CTNNBL1: variants seen among roughly 807,000 people sequenced by gnomAD.
CTNNBL1 encodes the protein catenin beta like 1, also known as beta-catenin-like protein 1.
Under a neutral mutation model 72.7 loss-of-function variants are expected in CTNNBL1, and 31 were observed. The observed-to-expected ratio is 0.43, with a 90% CI of 0.32 to 0.58. The LOEUF (loss-of-function observed/expected upper bound fraction) is 0.58, where lower values mean the gene tolerates loss of function less well. Among genes scored for constraint, CTNNBL1 ranks in the 20% least tolerant of loss-of-function variants. CTNNBL1 has a pLI of 0.08. For missense variants in CTNNBL1, 534 were observed against 725.1 expected (o/e 0.74, Z 3.03); for synonymous variants, 240 against 267.3 (o/e 0.90, Z 1.00).
intron 10 of CTNNBL1, among the ~76,000 whole-genome samples, chr20:37,785,081 C>T (rs1055687158): frequency 6.6e-6 from 1 of 152,184 alleles, no homozygotes; most frequent in Non-Finnish European, 1.5e-5. Flanking sequence ...TTAAATATGT[C>T]ATGCCACTCT....
rs2073539411 is a variant in CTNNBL1, at chr20:37,773,029, AT to A, written c.751-4315del. Among the ~76,000 whole-genome samples, 8 of 152,374 alleles carry A rather than the reference AT, an allele frequency of 5.3e-5. No homozygotes were observed. In the South Asian group the frequency reaches 1.7e-3, roughly 32 times the overall value. ...TGCTGCATCACAATTAATGTTTTTA[AT>A]GGGGAATACAAGCTTATTAAGATAT... On this transcript the variant is annotated intron_variant, in intron 7 of 15. Coordinates refer to ENST00000361383, the MANE Select transcript of CTNNBL1 (RefSeq NM_030877.5).
intron 13 of CTNNBL1, among the ~76,000 whole-genome samples, chr20:37,851,076 G>A (rs2072392437): frequency 1.3e-5 from 2 of 152,182 alleles, no homozygotes; most frequent in East Asian, 3.8e-4. Context: ...TAAGTGGCTG[G>A]AAGAGGGGGA....
At chr20:37,821,585 A>C (rs968765776) in intron 11 of CTNNBL1, among the ~76,000 whole-genome samples, 2 of 152,110 alleles carry the variant, frequency 1.3e-5, no homozygotes, top group African/African-American at 4.8e-5. Flanking sequence ...ATTTTACCTC[A>C]TGTGGAATTT....
At chr20:37,735,473 C>G (rs1209362533) in intron 2 of CTNNBL1, among the ~76,000 whole-genome samples, 1 of 152,228 alleles carries the variant, frequency 6.6e-6, no homozygotes, top group African/African-American at 2.4e-5. Flanking sequence ...ATAGAATTAG[C>G]TGGACTTGAT....
rs1203672664 is a variant in CTNNBL1, at chr20:37,757,600, G to A, written c.508G>A (p.Asp170Asn). 6.2e-7 allele frequency: 1 copy of A among 1,613,818 alleles called. No homozygotes were observed. Among genetic ancestry groups the A allele is most frequent in the Non-Finnish European group, 8.5e-7 (1 of 1,179,838 alleles). Residue 170 changes from aspartate to asparagine, a missense_variant, in exon 5 of 16, where the codon GAT becomes AAT. Transcript: ENST00000361383. ...AVVDLLQELTDIDTLHESEEG... is the reference protein window; with the variant it reads ...AVVDLLQELTNIDTLHESEEG... The stretch of plus-strand genomic sequence containing the variant: ...GGTCGATTTGCTTCAGGAATTAACA[G>A]ATATAGACACCCTCCATGAGAGTGA...
In CTNNBL1 at chr20:37,830,112, G is replaced by A. The variant is rs539180625; in HGVS notation, c.1214-9990G>A. On this transcript the variant is annotated intron_variant, in intron 11 of 15. Transcript: ENST00000361383. ...ACCTCCCAAAGTGCTGGGATTACAA[G>A]CGTGAGCCAACTGTAATTTTTTTTT... 3.5e-5 allele frequency among the ~76,000 whole-genome samples: 5 copies of A among 141,354 alleles called. No individual in the cohort carries two copies. In the Admixed American group the frequency reaches 3.8e-4, roughly 11 times the overall value. 92.7% of individuals were successfully genotyped at this position (141,354 alleles called of 152,430 possible).
intron 3 of CTNNBL1, among the ~76,000 whole-genome samples, chr20:37,739,889 A>G (rs1417114826): frequency 2.0e-5 from 3 of 152,314 alleles, no homozygotes; most frequent in East Asian, 1.9e-4. Flanking sequence ...CTAAGGATAC[A>G]TTATGAGGAA....
At position 37,731,745 on chromosome 20, in the gene CTNNBL1, AG is replaced by A. The variant is rs57023098; in HGVS notation, c.31-1133del. On this transcript the variant is annotated intron_variant, in intron 1 of 15. Coordinates refer to ENST00000361383, the MANE Select transcript of CTNNBL1 (RefSeq NM_030877.5). ...GTTTATCCAGGTTGTCTCAAATGAC[AG>A]AATTTCCCCACTTTTTAGGGCTGAG... Among the ~76,000 whole-genome samples the A allele has an allele frequency of 9.9e-3, 1,508 of 152,322 alleles. 18 individuals carry two copies. Among genetic ancestry groups the A allele is most frequent in the African/African-American group, 0.035 (1,455 of 41,556 alleles).
chr20:37,862,584 T>C (rs2072500084), intron 15 of CTNNBL1, among the ~76,000 whole-genome samples: 1 of 152,184 alleles, frequency 6.6e-6, no homozygotes, highest in Non-Finnish European at 1.5e-5. Context: ...TACTGGATAC[T>C]GAGTGGATGA....
chr20:37,856,953 CTG>C (rs1600532558), intron 13 of CTNNBL1, among the ~76,000 whole-genome samples: 1 of 152,200 alleles, frequency 6.6e-6, no homozygotes, highest in Non-Finnish European at 1.5e-5. Context: ...GTTCTCAACA[CTG>C]TACCAAGTTA....
At chr20:37,799,251 G>C (rs1383884599) in intron 10 of CTNNBL1, among the ~76,000 whole-genome samples, 2 of 152,092 alleles carry the variant, frequency 1.3e-5, no homozygotes, top group African/African-American at 4.8e-5. Context: ...TATCTGTCCA[G>C]GGCCCTCCCT....
intron 13 of CTNNBL1, among the ~76,000 whole-genome samples, chr20:37,848,146 C>CTTTT (rs397866131): frequency 4.6e-5 from 4 of 87,778 alleles, no homozygotes; most frequent in African/African-American, 8.4e-5. Context: ...CCACTGCCAG[C>CTTTT]TTTTTTTTTT....
intron 1 of CTNNBL1, among the ~76,000 whole-genome samples, chr20:37,701,536 A>G (rs180729807): frequency 4.5e-4 from 69 of 152,306 alleles, no homozygotes; most frequent in Admixed American, 1.2e-3. Context: ...GAACGGTTGG[A>G]TATGGAAAGG....
intron 15 of CTNNBL1, 86 bp from the exon 16 acceptor site, chr20:37,871,839 G>A (rs2072587353): frequency 8.5e-7 from 1 of 1,175,438 alleles, no homozygotes. Flanking sequence ...TGTGGGAGCT[G>A]GGGTTCTGGG....
At chr20:37,865,957 G>C (rs2072533435) in intron 15 of CTNNBL1, among the ~76,000 whole-genome samples, 1 of 152,264 alleles carries the variant, frequency 6.6e-6, no homozygotes, top group Admixed American at 6.5e-5. Flanking sequence ...TCATAAACAT[G>C]TATTTCCATA....
At position 37,757,617 on chromosome 20, in the gene CTNNBL1, T is replaced by C; in HGVS notation, c.525T>C (p.His175=). The part of the protein sequence containing the change: ...LQELTDIDTL[H]ESEEGAEVLI... ...AATTAACAGATATAGACACCCTCCA[T>C]GAGAGTGAAGAGGGAGCAGAAGTGC... is the stretch of plus-strand genomic sequence containing the variant. Residue 175 remains histidine, a synonymous_variant, in exon 5 of 16, where the codon CAT becomes CAC. Coordinates refer to ENST00000361383, the MANE Select transcript of CTNNBL1 (RefSeq NM_030877.5). 6.2e-7 allele frequency: 1 copy of C among 1,613,816 alleles called. No individual in the cohort carries two copies. The highest frequency in any genetic ancestry group is 8.5e-7 in the Non-Finnish European group (1 of 1,179,768).
At chr20:37,796,446 C>CTTTT (rs199760235) in intron 10 of CTNNBL1, among the ~76,000 whole-genome samples, 2 of 137,800 alleles carry the variant, frequency 1.5e-5, no homozygotes, top group African/African-American at 2.7e-5. Flanking sequence ...TTTTGTTCAT[C>CTTTT]TTTTTTTTTT....
intron 4 of CTNNBL1, among the ~76,000 whole-genome samples, chr20:37,749,234 A>C (rs1356874016): frequency 1.3e-5 from 2 of 152,198 alleles, no homozygotes. Flanking sequence ...CCTGTATATT[A>C]TTAGTACAGA....
At chr20:37,791,934 T>C (rs1468987786) in intron 10 of CTNNBL1, among the ~76,000 whole-genome samples, 4 of 152,250 alleles carry the variant, frequency 2.6e-5, no homozygotes, top group African/African-American at 9.6e-5. Flanking sequence ...ATCTTACAGA[T>C]ATTTTCTCCC....
Sources: gnomAD v4.1 joint callset for allele counts (sites outside exome capture counted in the v4.1 genomes callset) on GRCh38, gnomAD v4.1.1 for gene constraint, MANE v1.5 for transcripts, NCBI Gene and HGNC (gene_info 2026-07-23, HGNC 2026-07-21) for gene names.